Variants in ANTXR1 observed in about 807,000 individuals in gnomAD.
ANTXR1 encodes ANTXR cell adhesion molecule 1, also known as anthrax toxin receptor 1.
In ANTXR1, 19 loss-of-function variants were observed where a neutral mutation model predicts 78.1. The ratio of observed to expected loss-of-function variants is 0.24; its 90% CI spans 0.17 to 0.36. The LOEUF (loss-of-function observed/expected upper bound fraction) is 0.36, where lower values mean the gene tolerates loss of function less well. Ranked by LOEUF, ANTXR1 falls within the 10% of genes least tolerant of loss-of-function variation. The pLI, the probability that ANTXR1 is intolerant of heterozygous loss-of-function variation, is 1.00. For synonymous variants in ANTXR1, 273 were observed against 260.5 expected (o/e 1.05, Z -0.46); for missense variants, 518 against 718.6 (o/e 0.72, Z 3.19).
intron 10 of ANTXR1, among the ~76,000 whole-genome samples, chr2:69,115,551 A>G (rs116160978): frequency 0.033 from 5,029 of 152,290 alleles, 268 homozygotes; most frequent in African/African-American, 0.11. Flanking sequence ...AACCTTGCCC[A>G]TGGTGACATA....
chr2:69,164,736 G>A (rs1409060471), intron 13 of ANTXR1, among the ~76,000 whole-genome samples: 1 of 152,194 alleles, frequency 6.6e-6, no homozygotes, highest in Non-Finnish European at 1.5e-5. Context: ...CACATCAGTG[G>A]AAGCCAAGGA....
chr2:69,157,705 T>A (rs942037797), intron 13 of ANTXR1, among the ~76,000 whole-genome samples: 7 of 152,188 alleles, frequency 4.6e-5, no homozygotes, highest in African/African-American at 1.7e-4. Flanking sequence ...CACTCAGTAG[T>A]TGCTTAAGAA....
At chr2:69,244,691 G>A (rs1280677996) in intron 17 of ANTXR1, among the ~76,000 whole-genome samples, 1 of 152,154 alleles carries the variant, frequency 6.6e-6, no homozygotes, top group Non-Finnish European at 1.5e-5. Flanking sequence ...CCATTTCCAG[G>A]CATGTAACTG....
intron 13 of ANTXR1, among the ~76,000 whole-genome samples, chr2:69,154,749 G>A (rs1673480443): frequency 6.6e-6 from 1 of 152,232 alleles, no homozygotes; most frequent in Admixed American, 6.5e-5. Context: ...TGGGGTACGT[G>A]TCTGCCGTGT....
chr2:69,078,077 C>T (rs1009695788), intron 8 of ANTXR1, among the ~76,000 whole-genome samples: 6 of 152,190 alleles, frequency 3.9e-5, no homozygotes, highest in Admixed American at 6.5e-5. Flanking sequence ...AGGGTTTGCA[C>T]GGTCACCAGT....
intron 17 of ANTXR1, among the ~76,000 whole-genome samples, chr2:69,212,651 T>C (rs1199379018): frequency 2.0e-5 from 3 of 152,202 alleles, no homozygotes; most frequent in Non-Finnish European, 4.4e-5. Context: ...CAATATCCAG[T>C]TAGTACTGAG....
At chr2:69,040,746 T>G (rs1232331763) in intron 2 of ANTXR1, among the ~76,000 whole-genome samples, 1 of 152,228 alleles carries the variant, frequency 6.6e-6, no homozygotes. Flanking sequence ...CCCCACTGTG[T>G]GCAGCCTCCA....
intron 3 of ANTXR1, among the ~76,000 whole-genome samples, chr2:69,060,842 A>G (rs1398346751): frequency 2.0e-5 from 3 of 152,206 alleles, no homozygotes; most frequent in Non-Finnish European, 1.5e-5. Flanking sequence ...AATTAAAATA[A>G]ATAAAAATAT....
intron 16 of ANTXR1, among the ~76,000 whole-genome samples, chr2:69,187,732 C>T (rs926736690): frequency 7.9e-5 from 12 of 150,960 alleles, no homozygotes; most frequent in African/African-American, 2.2e-4. Context: ...GGACTACAGG[C>T]GGGTGCCACC....
chr2:69,136,093 C>G (rs559864228), intron 12 of ANTXR1, among the ~76,000 whole-genome samples: 1 of 152,138 alleles, frequency 6.6e-6, no homozygotes, highest in African/African-American at 2.4e-5. Flanking sequence ...AGTGTTTTCC[C>G]TAATAGCTCA....
chr2:69,227,311 A>G (rs1375948165), intron 17 of ANTXR1, among the ~76,000 whole-genome samples: 2 of 152,176 alleles, frequency 1.3e-5, no homozygotes, highest in African/African-American at 4.8e-5. Context: ...TCCAGGAAAC[A>G]GTCCAGAGGC....
chr2:69,135,275 C>G (rs73934747), intron 12 of ANTXR1: 1 of 158,872 alleles, frequency 6.3e-6, no homozygotes, highest in African/African-American at 2.4e-5. Flanking sequence ...CTAAGTTTGA[C>G]ATTTCCTTGT....
intron 10 of ANTXR1, chr2:69,103,896 G>T (rs1671716502): frequency 6.6e-6 from 1 of 151,282 alleles, no homozygotes. Flanking sequence ...ACACACATTT[G>T]TTGACTAATC....
intron 10 of ANTXR1, among the ~76,000 whole-genome samples, chr2:69,115,507 T>C (rs1443439711): frequency 6.6e-6 from 1 of 152,218 alleles, no homozygotes; most frequent in African/African-American, 2.4e-5. Context: ...TCCCATATTA[T>C]AGATGACAAT....
intron 13 of ANTXR1, among the ~76,000 whole-genome samples, 198 bp downstream of exon 13, chr2:69,152,462 G>A (rs547769903): frequency 7.2e-5 from 11 of 152,352 alleles, no homozygotes; most frequent in African/African-American, 2.4e-4. Context: ...ATGAGTTAGG[G>A]TGTGAGATTG....
chr2:69,208,591 A>T (rs1674960966), intron 17 of ANTXR1, among the ~76,000 whole-genome samples: 1 of 152,242 alleles, frequency 6.6e-6, no homozygotes, highest in Admixed American at 6.5e-5. Flanking sequence ...TTTATGTTTT[A>T]TAAATGTGGT....
Position 69,044,802 on chromosome 2 carries a change from G to A in ANTXR1, c.285G>A (p.Leu95=), listed in dbSNP as rs367785763. Reference sequence around the variant, plus strand: ...CCCGAGGAACAACCTTAATGAAACTGACAGAAGACAGGTAAGGATACTTCT... The same window carrying A: ...CCCGAGGAACAACCTTAATGAAACTAACAGAAGACAGGTAAGGATACTTCT... ...FSTRGTTLMK[L]TEDREQIRQG... Residue 95 remains leucine (L), a synonymous_variant, in exon 3 of 18, where the codon CTG becomes CTA. Transcript: ENST00000303714. 6.2e-7 allele frequency: 1 copy of A among 1,613,838 alleles called. No individual in the cohort carries two copies. Among genetic ancestry groups the A allele is most frequent in the Non-Finnish European group, 8.5e-7 (1 of 1,179,782 alleles).
intron 11 of ANTXR1, among the ~76,000 whole-genome samples, chr2:69,123,334 T>G (rs1672416550): frequency 6.6e-6 from 1 of 152,230 alleles, no homozygotes; most frequent in Non-Finnish European, 1.5e-5. Context: ...ACATAGAGAC[T>G]GTGGCTGCAA....
At chr2:69,057,320 T>C (rs1402304835) in intron 3 of ANTXR1, among the ~76,000 whole-genome samples, 1 of 152,206 alleles carries the variant, frequency 6.6e-6, no homozygotes, top group African/African-American at 2.4e-5. Flanking sequence ...AGATACTGTG[T>C]TTTTTACAAA....
Sources: gnomAD v4.1 joint callset for allele counts (sites outside exome capture counted in the v4.1 genomes callset) on GRCh38, gnomAD v4.1.1 for gene constraint, MANE v1.5 for transcripts, NCBI Gene and HGNC (gene_info 2026-07-23, HGNC 2026-07-21) for gene names.